The following DMD variants were observed in gnomAD, a reference collection of about 807,000 sequenced individuals.
The protein encoded by DMD is mutant dystrophin.
A neutral mutation model predicts 330.1 loss-of-function variants in DMD; 63 were observed. The ratio of observed to expected loss-of-function variants is 0.19; its 90% CI spans 0.16 to 0.24. DMD has a LOEUF of 0.24. Among genes scored for constraint, DMD ranks in the 10% least tolerant of loss-of-function variants. The pLI, the probability that DMD is intolerant of heterozygous loss-of-function variation, is 1.00. For synonymous variants in DMD, 1,223 were observed against 959.8 expected, an observed-to-expected ratio of 1.27 and a Z score of -5.07; for missense variants, 3,344 against 2,684.1, an observed-to-expected ratio of 1.25 and a Z score of -5.43.
chrX:32,164,360 C>T (rs941335689), intron 44 of DMD, among the ~76,000 whole-genome samples: 1 of 111,478 alleles, frequency 9.0e-6, no homozygotes, highest in Non-Finnish European at 1.9e-5. Context: ...GATAGTGATA[C>T]GAACACTGAA....
chrX:33,028,861 TCACACATA>T (rs749108344), intron 1 of DMD, among the ~76,000 whole-genome samples: 6 of 111,983 alleles, frequency 5.4e-5, no homozygotes, highest in African/African-American at 9.7e-5. Flanking sequence ...TTGCTTACAC[TCACACATA>T]CACACATACA....
intron 7 of DMD, among the ~76,000 whole-genome samples, chrX:32,757,010 G>A (rs907883416): frequency 9.0e-6 from 1 of 111,164 alleles, no homozygotes; most frequent in African/African-American, 3.3e-5. Flanking sequence ...ACAATTCAGG[G>A]TTTAACTCTT....
intron 7 of DMD, among the ~76,000 whole-genome samples, chrX:32,726,869 A>AT (rs1203756037): frequency 9.1e-6 from 1 of 110,461 alleles, no homozygotes; most frequent in African/African-American, 3.3e-5. Context: ...AATCAAGGCA[A>AT]TTCAAATTCT....
chrX:31,131,745 A>G (rs2034537254), intron 77 of DMD, among the ~76,000 whole-genome samples: 1 of 111,983 alleles, frequency 8.9e-6, no homozygotes, highest in South Asian at 3.8e-4. Context: ...TCAAAATTAA[A>G]AAACAAAAGT....
chrX:32,885,577 A>T (rs1195868945), intron 2 of DMD, among the ~76,000 whole-genome samples: 2 of 111,721 alleles, frequency 1.8e-5, no homozygotes, highest in African/African-American at 3.2e-5. Context: ...CATGAAAAAT[A>T]TATTAAGCTA....
intron 2 of DMD, among the ~76,000 whole-genome samples, chrX:32,927,695 A>T (rs1207189956): frequency 8.9e-6 from 1 of 111,756 alleles, no homozygotes; most frequent in East Asian, 2.8e-4. Context: ...AATGTAAATC[A>T]TCTTATCCCT....
At chrX:31,164,392 A>G in intron 74 of DMD, among the ~76,000 whole-genome samples, 1 of 111,608 alleles carries the variant, frequency 9.0e-6, no homozygotes, top group South Asian at 3.8e-4. Context: ...TCAGCCCTTC[A>G]GGAAGGACCT....
At chrX:31,698,607 C>T (rs1313021712) in intron 52 of DMD, among the ~76,000 whole-genome samples, 3 of 112,098 alleles carry the variant, frequency 2.7e-5, no homozygotes, top group Non-Finnish European at 3.8e-5. Flanking sequence ...CTGTGGAAGA[C>T]CTATCTATAG....
intron 2 of DMD, among the ~76,000 whole-genome samples, chrX:32,890,351 T>C (rs1256689001): frequency 1.9e-5 from 2 of 106,334 alleles, no homozygotes; most frequent in African/African-American, 6.9e-5. Context: ...AAATTAACCT[T>C]AGACCTAGAT....
chrX:32,439,672 G>A (rs1394548362), intron 28 of DMD, among the ~76,000 whole-genome samples: 1 of 110,983 alleles, frequency 9.0e-6, no homozygotes, highest in Non-Finnish European at 1.9e-5. Flanking sequence ...TCCTTGATAC[G>A]TGGTGATCTA....
At position 31,978,388 on chromosome X, in the gene DMD, C is replaced by T. The variant is rs143936801; in HGVS notation, c.6439-9874G>A. Among the ~76,000 whole-genome samples, 268 of 110,910 alleles carry T rather than the reference C, an allele frequency of 2.4e-3. 1 individual carries two copies. The highest frequency in any genetic ancestry group is 0.02 in the Admixed American group (211 of 10,406). ...CCATCGTTATTGCTTTTCCTCCAGC[C>T]TGGTTATTCATTACACTTCACCTAT... On this transcript the variant is annotated intron_variant, in intron 44 of 78. Coordinates refer to ENST00000357033, the MANE Select transcript of DMD (RefSeq NM_004006.3).
intron 17 of DMD, among the ~76,000 whole-genome samples, chrX:32,522,252 G>A (rs773891508): frequency 3.5e-4 from 39 of 111,766 alleles, no homozygotes; most frequent in African/African-American, 1.1e-3. Flanking sequence ...AATCTGTGTT[G>A]CCATTAAATG....
intron 25 of DMD, among the ~76,000 whole-genome samples, chrX:32,457,622 A>G (rs1191763927): frequency 9.1e-6 from 1 of 110,343 alleles, no homozygotes; most frequent in African/African-American, 3.3e-5. Flanking sequence ...GGGAAAGTAG[A>G]GTCTGTGAGC....
intron 37 of DMD, among the ~76,000 whole-genome samples, chrX:32,355,752 C>A (rs185181695): frequency 6.7e-4 from 74 of 110,782 alleles, no homozygotes; most frequent in African/African-American, 1.9e-3. Flanking sequence ...TACAGTTTGA[C>A]TAGTGATCTG....
At chrX:32,023,553 AAAAAG>A (rs1249987632) in intron 44 of DMD, among the ~76,000 whole-genome samples, 1 of 112,222 alleles carries the variant, frequency 8.9e-6, no homozygotes, top group African/African-American at 3.2e-5. Context: ...TGGTGCTCCT[AAAAAG>A]AAAAGGGACA....
intron 1 of DMD, among the ~76,000 whole-genome samples, chrX:33,122,823 C>T (rs2095433154): frequency 8.9e-6 from 1 of 111,797 alleles, no homozygotes; most frequent in African/African-American, 3.3e-5. Context: ...CCTCTCTCAA[C>T]TGTGTTCCGA....
At chrX:31,283,310 T>C (rs1443542622) in intron 62 of DMD, among the ~76,000 whole-genome samples, 1 of 111,852 alleles carries the variant, frequency 8.9e-6, no homozygotes, top group Non-Finnish European at 1.9e-5. Context: ...TATTTATGTG[T>C]TTCTTTTCCA....
intron 44 of DMD, among the ~76,000 whole-genome samples, chrX:32,106,348 T>C (rs2096563862): frequency 8.9e-6 from 1 of 111,968 alleles, no homozygotes; most frequent in South Asian, 3.7e-4. Flanking sequence ...TCATAGTAGT[T>C]AATGAGCTCA....
chrX:32,322,631 T>C (rs1345651405), intron 41 of DMD, among the ~76,000 whole-genome samples: 4 of 111,324 alleles, frequency 3.6e-5, no homozygotes, highest in African/African-American at 1.3e-4. Context: ...TAAAATTATA[T>C]CTTAATGAAA....
Sources: allele counts gnomAD v4.1 joint callset (sites outside exome capture counted in the v4.1 genomes callset), GRCh38; gene constraint gnomAD v4.1.1; transcripts MANE v1.5; gene names NCBI Gene and HGNC (gene_info 2026-07-23, HGNC 2026-07-21).